The following COBL variants were observed in gnomAD, a reference collection of about 807,000 sequenced individuals.
The protein encoded by COBL is protein cordon-bleu.
COBL carries 51 observed loss-of-function variants against 98.8 expected under a neutral mutation model. That is an observed-to-expected ratio of 0.52 (90% CI 0.41 to 0.65). The LOEUF (loss-of-function observed/expected upper bound fraction) is 0.65, where lower values mean the gene tolerates loss of function less well. COBL is among the 30% of genes least tolerant of loss of function. The pLI is 0.00. For missense variants in COBL, 1,617 were observed against 1,617.5 expected, an observed-to-expected ratio of 1.00 and a Z score of 0.01; for synonymous variants, 634 against 651.7, an observed-to-expected ratio of 0.97 and a Z score of 0.41.
intron 6 of COBL, among the ~76,000 whole-genome samples, chr7:51,109,058 G>T (rs540146582): frequency 6.6e-6 from 1 of 152,134 alleles, no homozygotes; most frequent in Non-Finnish European, 1.5e-5. Context: ...CTCCTGCCTA[G>T]TGTGGCACCT....
chr7:51,018,903 AAAATATATATATATATATATATAT>A (rs1786592841), intron 12 of COBL, among the ~76,000 whole-genome samples: 1 of 57,212 alleles, frequency 1.7e-5, no homozygotes, highest in East Asian at 6.2e-4. Flanking sequence ...AAAAAAAAAA[AAAATATATATATATATATATATAT>A]ATATATATAT....
intron 1 of COBL, among the ~76,000 whole-genome samples, chr7:51,290,172 C>T (rs1800756367): frequency 6.6e-6 from 1 of 152,196 alleles, no homozygotes; most frequent in Non-Finnish European, 1.5e-5. Flanking sequence ...TGAGCAAACA[C>T]AATCAAATGC....
At chr7:51,316,500 AG>A (rs1165071458) in intron 1 of COBL, 92 bp downstream of exon 1, 2 of 952,958 alleles carry the variant, frequency 2.1e-6, no homozygotes, top group Non-Finnish European at 2.7e-6. Flanking sequence ...GGCGGCAGAG[AG>A]GGCGCCCTGC....
chr7:51,287,897 A>C (rs1253276958), intron 1 of COBL, among the ~76,000 whole-genome samples: 1 of 152,212 alleles, frequency 6.6e-6, no homozygotes. Flanking sequence ...TGAATCTCAA[A>C]GGCAGTATGC....
chr7:51,217,345 T>C (rs893917393), intron 2 of COBL, among the ~76,000 whole-genome samples: 3 of 148,418 alleles, frequency 2.0e-5, no homozygotes, highest in South Asian at 4.3e-4. Flanking sequence ...TTTTTCTTTT[T>C]TTTTTTTTTT....
intron 5 of COBL, among the ~76,000 whole-genome samples, chr7:51,143,681 A>C (rs1297846157): frequency 6.6e-6 from 1 of 152,254 alleles, no homozygotes; most frequent in African/African-American, 2.4e-5. Flanking sequence ...CTGTGCAATA[A>C]ATATGATTGT....
intron 1 of COBL, among the ~76,000 whole-genome samples, chr7:51,257,467 C>G (rs762154209): frequency 1.7e-4 from 26 of 152,144 alleles, no homozygotes; most frequent in Non-Finnish European, 3.2e-4. Flanking sequence ...CTGTATCAAG[C>G]ACCACCACGA....
chr7:51,120,727 A>G (rs1183617937), intron 6 of COBL, among the ~76,000 whole-genome samples: 2 of 152,088 alleles, frequency 1.3e-5, no homozygotes, highest in Admixed American at 6.6e-5. Context: ...GTGGAATCAC[A>G]TGGCATTTGT....
At chr7:51,249,199 GA>G (rs1302576768) in intron 1 of COBL, among the ~76,000 whole-genome samples, 3 of 152,200 alleles carry the variant, frequency 2.0e-5, no homozygotes, top group Non-Finnish European at 2.9e-5. Context: ...TGTGGTGAGT[GA>G]GGGGGCCCCC....
chr7:51,065,348 G>A (rs199915091), intron 7 of COBL: 55 of 703,534 alleles, frequency 7.8e-5, no homozygotes, highest in South Asian at 5.6e-4. Flanking sequence ...AGAGAACTGC[G>A]GCCCTCACTC....
At chr7:51,241,228 G>A (rs1052695006) in intron 1 of COBL, among the ~76,000 whole-genome samples, 5 of 152,182 alleles carry the variant, frequency 3.3e-5, no homozygotes, top group African/African-American at 7.2e-5. Flanking sequence ...AAGTCTCAAC[G>A]TGTCCCTCCA....
intron 7 of COBL, chr7:51,064,767 A>T (rs1317577649): frequency 5.7e-6 from 1 of 176,948 alleles, no homozygotes; most frequent in Non-Finnish European, 1.2e-5. Context: ...TTTTTTTTTA[A>T]ATCACAATTT....
chr7:51,159,893 A>T (rs1786611859), intron 5 of COBL, among the ~76,000 whole-genome samples: 2 of 152,020 alleles, frequency 1.3e-5, no homozygotes, highest in African/African-American at 4.8e-5. Flanking sequence ...TTTTAAAACT[A>T]TTTTTTTGTT....
intron 5 of COBL, among the ~76,000 whole-genome samples, chr7:51,176,486 G>A (rs1788397435): frequency 6.6e-6 from 1 of 151,974 alleles, no homozygotes; most frequent in Admixed American, 6.6e-5. Context: ...TTTCTCAGTT[G>A]ATTGAATCTC....
At chr7:51,020,372 CT>C (rs1457840616) in intron 12 of COBL, among the ~76,000 whole-genome samples, 2 of 152,200 alleles carry the variant, frequency 1.3e-5, no homozygotes. Flanking sequence ...CCCCGCACCC[CT>C]GCCCCCTTCC....
chr7:51,103,052 T>C (rs1795948362), intron 6 of COBL, among the ~76,000 whole-genome samples: 1 of 152,168 alleles, frequency 6.6e-6, no homozygotes, highest in Non-Finnish European at 1.5e-5. Context: ...AGATCTCATG[T>C]TCAGTGTTCC....
chr7:51,188,715 G>A (rs372648368), intron 4 of COBL, among the ~76,000 whole-genome samples: 7 of 152,278 alleles, frequency 4.6e-5, no homozygotes, highest in East Asian at 3.9e-4. Flanking sequence ...TGACCGCACC[G>A]GCTTGTTCTG....
At chr7:51,245,605 C>G (rs879495420) in intron 1 of COBL, among the ~76,000 whole-genome samples, 9 of 152,154 alleles carry the variant, frequency 5.9e-5, no homozygotes, top group Non-Finnish European at 1.0e-4. Context: ...ATTAGAAATA[C>G]AGTTTCATTC....
At chr7:51,080,977 G>A (rs1405101748) in intron 7 of COBL, among the ~76,000 whole-genome samples, 2 of 152,222 alleles carry the variant, frequency 1.3e-5, no homozygotes, top group South Asian at 2.1e-4. Flanking sequence ...CTGCTTAGGC[G>A]GGGAATCCTA....
Sources: gnomAD v4.1 joint callset for allele counts (sites outside exome capture counted in the v4.1 genomes callset) on GRCh38, gnomAD v4.1.1 for gene constraint, MANE v1.5 for transcripts, NCBI Gene and HGNC (gene_info 2026-07-23, HGNC 2026-07-21) for gene names.